PTPRG: variants seen among roughly 807,000 people sequenced by gnomAD.
PTPRG encodes the protein protein tyrosine phosphatase receptor type G.
In PTPRG, 102 loss-of-function variants were observed where a neutral mutation model predicts 165.3. The observed-to-expected ratio is 0.62, with a 90% confidence interval of 0.53 to 0.73. PTPRG has a LOEUF of 0.73. Ranked by LOEUF, PTPRG falls within the 30% of genes least tolerant of loss-of-function variation. The pLI is 0.00. For synonymous variants in PTPRG, 675 were observed against 669.5 expected (o/e 1.01, Z -0.13); for missense variants, 1,866 against 1,861.4 (o/e 1.00, Z -0.05).
At chr3:62,269,199 G>A in intron 20 of PTPRG, 30 bp downstream of exon 20, 2 of 1,538,584 alleles carry the variant, frequency 1.3e-6, no homozygotes, top group Non-Finnish European at 1.8e-6. Flanking sequence ...GGCTGCCAGG[G>A]CATCCCCTTT....
intron 6 of PTPRG, among the ~76,000 whole-genome samples, chr3:62,135,927 T>C (rs1703692846): frequency 6.6e-6 from 1 of 152,130 alleles, no homozygotes; most frequent in Non-Finnish European, 1.5e-5. Context: ...TTCCCCACCA[T>C]GTGTTGTCAT....
intron 4 of PTPRG, among the ~76,000 whole-genome samples, chr3:62,076,555 C>G (rs1185642336): frequency 6.6e-6 from 1 of 151,082 alleles, no homozygotes; most frequent in Admixed American, 6.6e-5. Context: ...TCTGGGGATA[C>G]CCAATGGTTC....
At chr3:61,800,205 T>C (rs575624843) in intron 2 of PTPRG, among the ~76,000 whole-genome samples, 1 of 152,308 alleles carries the variant, frequency 6.6e-6, no homozygotes, top group Admixed American at 6.5e-5. Flanking sequence ...GATATATTAC[T>C]GGTTTTAAGC....
At chr3:62,241,862 G>A (rs1354601201) in intron 14 of PTPRG, among the ~76,000 whole-genome samples, 3 of 152,082 alleles carry the variant, frequency 2.0e-5, no homozygotes, top group African/African-American at 7.2e-5. Flanking sequence ...GTGACTTAGA[G>A]CACTTATTTG....
At position 61,870,317 on chromosome 3, in the gene PTPRG, C is replaced by CTTT. The variant is rs10642619; in HGVS notation, c.191-119295_191-119293dup. On this transcript the variant is annotated intron_variant, in intron 2 of 29. Coordinates refer to ENST00000474889, the MANE Select transcript of PTPRG (RefSeq NM_002841.4). ...CCATTGTCAACTAGGAAAAATTATT[C>CTTT]TTTTTTTTTTTTTTTGGAGACGGAG... Among the ~76,000 whole-genome samples the CTTT allele has an allele frequency of 4.8e-3, 658 of 136,348 alleles. 12 individuals are homozygous for CTTT. The highest frequency in any genetic ancestry group is 0.016 in the African/African-American group (599 of 36,346). The allele number at this position is 136,348 out of a possible 152,430, so 89.4% of individuals were successfully genotyped here.
intron 12 of PTPRG, among the ~76,000 whole-genome samples, chr3:62,212,873 T>C (rs1700397469): frequency 1.3e-5 from 2 of 152,134 alleles, no homozygotes; most frequent in African/African-American, 4.8e-5. Flanking sequence ...AAATAACTAC[T>C]TGGAAGGGGT....
intron 2 of PTPRG, among the ~76,000 whole-genome samples, chr3:61,954,529 A>G (rs72885835): frequency 5.1e-4 from 77 of 152,244 alleles, no homozygotes; most frequent in South Asian, 2.7e-3. Flanking sequence ...GAGGTAAGCA[A>G]TAGGGACCTT....
At chr3:61,831,322 A>G (rs1303536781) in intron 2 of PTPRG, among the ~76,000 whole-genome samples, 4 of 152,256 alleles carry the variant, frequency 2.6e-5, no homozygotes, top group Non-Finnish European at 5.9e-5. Flanking sequence ...AAGAGAAGGA[A>G]TAAGCAGTTA....
chr3:61,832,951 A>T (rs1028742903), intron 2 of PTPRG, among the ~76,000 whole-genome samples: 1 of 152,190 alleles, frequency 6.6e-6, no homozygotes, highest in Non-Finnish European at 1.5e-5. Context: ...GTGAAAACAT[A>T]TGATGTTTGG....
In PTPRG at chr3:62,024,757, T is replaced by C. The variant is rs183838557; in HGVS notation, c.519+21260T>C. On this transcript the variant is annotated intron_variant, in intron 4 of 29. Coordinates refer to ENST00000474889, the MANE Select transcript of PTPRG (RefSeq NM_002841.4). The stretch of plus-strand genomic sequence containing the variant: ...TGTGTTATCTGATAGATAAGGATGG[T>C]TTAACTAATGAATTTACTTAAATCA... Among the ~76,000 whole-genome samples the C allele has an allele frequency of 3.9e-5, 6 of 152,314 alleles. No individual in the cohort carries two copies. The East Asian group carries it at 1.2e-3, about 29-fold the overall frequency.
intron 2 of PTPRG, among the ~76,000 whole-genome samples, chr3:61,944,961 A>G (rs1375478092): frequency 6.6e-6 from 1 of 152,176 alleles, no homozygotes; most frequent in Non-Finnish European, 1.5e-5. Flanking sequence ...TACAGATTGC[A>G]GTGGCTCTGC....
chr3:62,273,810 TA>T lies in PTPRG; in HGVS notation c.3432del (p.Gly1145GlufsTer56). The T allele has an allele frequency of 1.2e-6, 2 of 1,613,620 alleles. No homozygotes were observed. The highest frequency in any genetic ancestry group is 1.7e-6 in the Non-Finnish European group (2 of 1,179,760). On this transcript the variant is annotated frameshift_variant, in exon 23 of 30. Transcript: ENST00000474889. LOFTEE classifies it high-confidence loss of function. The surrounding 1 kb of genome is among the most constrained non-coding windows in gnomAD (Gnocchi z 4.1). Reference protein sequence around the residue: ...SYVNSILIPGVGGKTRLEKQF... With the variant: ...SYVNSILIPGXGGKTRLEKQF... ...GTTAACAGCATCCTTATACCAGGAG[TA>T]GGAGGAAAGACACGACTGGAAAAGC...
chr3:61,998,720 C>T (rs992988084), intron 3 of PTPRG, among the ~76,000 whole-genome samples: 2 of 152,160 alleles, frequency 1.3e-5, no homozygotes, highest in African/African-American at 4.8e-5. Flanking sequence ...TTGAAGCTTC[C>T]AGCTTCTTCT....
At chr3:61,634,442 G>T (rs1701849582) in intron 1 of PTPRG, among the ~76,000 whole-genome samples, 1 of 151,968 alleles carries the variant, frequency 6.6e-6, no homozygotes, top group African/African-American at 2.4e-5. Flanking sequence ...GTTTCAGTAT[G>T]TTGGCCAGGC....
chr3:62,031,134 G>C lies in PTPRG; in HGVS notation c.519+27637G>C, dbSNP rs867796178. Among the ~76,000 whole-genome samples, 9 of 152,162 alleles carry C rather than the reference G, an allele frequency of 5.9e-5. 1 individual carries two copies. In the South Asian group the frequency reaches 1.9e-3, roughly 31 times the overall value. On this transcript the variant is annotated intron_variant, in intron 4 of 29. Transcript: ENST00000474889. ...TGAACAAATACGTAATCAACAAATAGGTGTTTAGGAGTAACTGTATACCAG... is the reference window on the plus strand; with the variant it reads ...TGAACAAATACGTAATCAACAAATACGTGTTTAGGAGTAACTGTATACCAG...
intron 2 of PTPRG, among the ~76,000 whole-genome samples, chr3:61,983,899 A>G (rs541027113): frequency 3.3e-5 from 5 of 152,128 alleles, no homozygotes; most frequent in South Asian, 2.1e-4. Context: ...AGATTTTTAT[A>G]TGATATTTGT....
At chr3:61,671,939 CGGAGATGCTCCTCACTTCCCAGACGGGGT>C (rs1703011405) in intron 1 of PTPRG, among the ~76,000 whole-genome samples, 2 of 140,032 alleles carry the variant, frequency 1.4e-5, no homozygotes, top group Non-Finnish European at 3.1e-5. Context: ...GGCTGCTGGG[CGGAGATGCTCCTCACTTCCCAGACGGGGT>C]GGCTGCTGGG....
intron 2 of PTPRG, chr3:61,771,391 A>AG (rs2034204308): frequency 1.3e-5 from 2 of 151,614 alleles, no homozygotes; most frequent in African/African-American, 4.8e-5. Flanking sequence ...TCTAAAAAAA[A>AG]AAAACTTTCT....
At chr3:61,754,186 G>A (rs1447932828) in intron 2 of PTPRG, among the ~76,000 whole-genome samples, 2 of 152,176 alleles carry the variant, frequency 1.3e-5, no homozygotes, top group Non-Finnish European at 2.9e-5. Flanking sequence ...GGTCAAGCAG[G>A]ATTATTCTAA....
Sources: gnomAD v4.1 joint callset for allele counts (sites outside exome capture counted in the v4.1 genomes callset) on GRCh38, gnomAD v4.1.1 for gene constraint, Gnocchi (gnomAD v3.1) non-coding constraint, MANE v1.5 for transcripts, NCBI Gene and HGNC (gene_info 2026-07-23, HGNC 2026-07-21) for gene names.